The following VPS11 variants were observed in gnomAD, a reference collection of about 807,000 sequenced individuals.
VPS11 encodes vacuolar protein sorting-associated protein 11 homolog.
Under a neutral mutation model 106.8 loss-of-function variants are expected in VPS11, and 51 were observed. That is an observed-to-expected ratio of 0.48 (90% CI 0.38 to 0.60). The LOEUF (loss-of-function observed/expected upper bound fraction) is 0.60. Among genes scored for constraint, VPS11 ranks in the 20% least tolerant of loss-of-function variants. The pLI is 0.00. For synonymous variants in VPS11, 453 were observed against 458.7 expected, an observed-to-expected ratio of 0.99 and a Z score of 0.16; for missense variants, 950 against 1,190.0, an observed-to-expected ratio of 0.80 and a Z score of 2.97.
intron 1 of VPS11, 84 bp downstream of exon 1, chr11:119,068,094 C>T (rs1452475648): frequency 1.4e-6 from 2 of 1,421,186 alleles, no homozygotes; most frequent in Non-Finnish European, 1.9e-6. Context: ...CGGAGGGGTC[C>T]GTGCCGCGCG....
At chr11:119,077,452 T>A in intron 8 of VPS11, 49 bp from the exon 9 acceptor site, 1 of 1,586,828 alleles carries the variant, frequency 6.3e-7, no homozygotes, top group Non-Finnish European at 8.6e-7. Flanking sequence ...TCCTCTCCCT[T>A]CTCTATCTCC....
intron 14 of VPS11, 40 bp from the exon 15 acceptor site, chr11:119,081,052 C>T (rs1251078384): frequency 6.3e-7 from 1 of 1,587,128 alleles, no homozygotes; most frequent in Non-Finnish European, 8.6e-7. Context: ...TGGCCTTGCC[C>T]TCACTTTTGC....
At chr11:119,075,587 C>A (rs1945579061) in intron 7 of VPS11, among the ~76,000 whole-genome samples, 1 of 150,534 alleles carries the variant, frequency 6.6e-6, no homozygotes, top group Admixed American at 6.6e-5. Flanking sequence ...CGTGGTGGCT[C>A]ACGCCTGTAA....
intron 3 of VPS11, 27 bp from the exon 4 acceptor site, chr11:119,070,207 T>C: frequency 1.9e-6 from 3 of 1,590,216 alleles, no homozygotes; most frequent in African/African-American, 1.3e-5. Flanking sequence ...TCAGCCTTAC[T>C]GAAGTAATTT....
rs1383449125 is a variant in VPS11, at chr11:119,080,994, G to GA, written c.2439-97dup. ...CAGGGCCTTCAGGGGCCTTACCAGG[G>GA]ACCTTGCCCTGTGCACTTCAGCTGC... On this transcript the variant is annotated intron_variant, in intron 14 of 15. Coordinates refer to ENST00000621676, the MANE Select transcript of VPS11 (RefSeq NM_021729.6). 1.6e-4 allele frequency: 176 copies of GA among 1,081,698 alleles called. No homozygotes were observed. The East Asian group carries it at 4.1e-3, about 25-fold the overall frequency. 67.0% of individuals were successfully genotyped at this position (1,081,698 alleles called of 1,614,324 possible).
chr11:119,077,187 T>C (rs1945655812), intron 8 of VPS11, 104 bp downstream of exon 8: 1 of 1,390,140 alleles, frequency 7.2e-7, no homozygotes, highest in East Asian at 2.5e-5. Context: ...AGGAAAGGGC[T>C]GACCTTATTT....
rs1351505954 is a variant in VPS11, at chr11:119,081,268, G to A, written c.2615G>A (p.Arg872Gln). 17 of 1,613,738 alleles carry A rather than the reference G, an allele frequency of 1.1e-5. No individual in the cohort carries two copies. The highest frequency in any genetic ancestry group is 8.3e-5 in the Admixed American group (5 of 59,974). ...AACCGGAAGGTCATGGATATGATCC[G>A]GGCCCAGGAACAGAAACGAGATCTC... is the stretch of plus-strand genomic sequence containing the variant. ...PENRKVMDMI[R>Q]AQEQKRDLHD... The change falls in exon 15 of 16, where the codon CGG (arginine) becomes CAG (glutamine). Residue 872 changes from arginine to glutamine, a missense_variant. Physicochemically the swap from Arg to Gln is conservative, Grantham distance 43 (BLOSUM62 1). Transcript: ENST00000621676.
chr11:119,074,857 A>T (rs1438657594), intron 7 of VPS11, among the ~76,000 whole-genome samples: 1 of 152,172 alleles, frequency 6.6e-6, no homozygotes, highest in South Asian at 2.1e-4. Context: ...GCCTTTGTAA[A>T]TATTCACTTT....
At chr11:119,081,069 C>T in intron 14 of VPS11, 23 bp from the exon 15 acceptor site, 1 of 1,609,032 alleles carries the variant, frequency 6.2e-7, no homozygotes, top group South Asian at 1.1e-5. Context: ...TTGCCACTCA[C>T]TTCTGGTCTT....
chr11:119,077,378 A>T, intron 8 of VPS11, 123 bp from the exon 9 acceptor site: 1 of 1,352,710 alleles, frequency 7.4e-7, no homozygotes, highest in Non-Finnish European at 1.0e-6. Flanking sequence ...GCTGAGTAGC[A>T]TAATATTTTC....
Position 119,073,344 on chromosome 11 carries a change from C to T in VPS11, c.1031C>T (p.Thr344Met), listed in dbSNP as rs1252109173. 1.3e-5 allele frequency: 21 copies of T among 1,613,908 alleles called. No individual in the cohort carries two copies. The highest frequency in any genetic ancestry group is 2.7e-5 in the African/African-American group (2 of 75,046). ...LAEWGSLYVL[T>M]RDGRVHALQE... Reference sequence around the variant, plus strand: ...GAGTGGGGCTCCCTGTACGTGCTGACGCGGGATGGGCGGGTCCACGCACTG... The same window carrying T: ...GAGTGGGGCTCCCTGTACGTGCTGATGCGGGATGGGCGGGTCCACGCACTG... The change falls in exon 6 of 16, where the codon ACG (threonine) becomes ATG (methionine). Residue 344 changes from threonine (T) to methionine (M), a missense_variant. Thr to Met is a moderately conservative substitution (Grantham distance 81). Coordinates refer to ENST00000621676, the MANE Select transcript of VPS11 (RefSeq NM_021729.6).
chr11:119,070,028 A>AAATAAATAAATAAATAAATT lies in VPS11; in HGVS notation c.473-204_473-203insTAAATAAATAAATAAATTAA, dbSNP rs375064434. Among the ~76,000 whole-genome samples the AAATAAATAAATAAATAAATT allele has an allele frequency of 1.1e-4, 3 of 28,098 alleles. No individual in the cohort carries two copies. The East Asian group carries it at 8.8e-3, about 82-fold the overall frequency. 18.4% of individuals were successfully genotyped at this position (28,098 alleles called of 152,430 possible). A position where few individuals can be genotyped will look rare whatever the true frequency, so the allele number is the denominator to read the frequency against. Reference sequence around the variant, plus strand: ...TAAATAAATAAATAAATAAATAAATAAAATAAATAAAGTTTGGAATGGGAA... The same window carrying AAATAAATAAATAAATAAATT: ...TAAATAAATAAATAAATAAATAAATAAATAAATAAATAAATAAATTAAATAAATAAAGTTTGGAATGGGAA... On this transcript the variant is annotated intron_variant, in intron 3 of 15. Transcript: ENST00000621676.
intron 1 of VPS11, 91 bp downstream of exon 1, chr11:119,068,101 C>T: frequency 1.4e-6 from 2 of 1,402,972 alleles, no homozygotes; most frequent in East Asian, 2.5e-5. Context: ...GTCCGTGCCG[C>T]GCGCCTCTTT....
chr11:119,073,686 A>T, intron 6 of VPS11, 114 bp from the exon 7 acceptor site: 3 of 1,217,424 alleles, frequency 2.5e-6, no homozygotes. Context: ...TTTGTCTAGG[A>T]TCTAGGCAGA....
rs2133640391 is a variant in VPS11, at chr11:119,068,028, C to T, written c.187+18C>T. On this transcript the variant is annotated intron_variant, in intron 1 of 15. Transcript: ENST00000621676. ...CTTTGGAGATATCCTTCGTTTGGAGCTGTCTTTTCCCTCCCGGGATCCCGA... is the reference window on the plus strand; with the variant it reads ...CTTTGGAGATATCCTTCGTTTGGAGTTGTCTTTTCCCTCCCGGGATCCCGA... The T allele has an allele frequency of 1.3e-6, 2 of 1,584,930 alleles. No homozygotes were observed. The highest frequency in any genetic ancestry group is 2.3e-5 in the East Asian group (1 of 44,028).
intron 6 of VPS11, 27 bp downstream of exon 6, chr11:119,073,426 G>C (rs1945476121): frequency 6.2e-7 from 1 of 1,607,344 alleles, no homozygotes; most frequent in Admixed American, 1.7e-5. Context: ...CGCAGAGCTG[G>C]CCACAGGCAC....
intron 5 of VPS11, 102 bp downstream of exon 5, chr11:119,071,945 C>G (rs1945409602): frequency 1.4e-6 from 2 of 1,431,258 alleles, no homozygotes; most frequent in African/African-American, 2.9e-5. Flanking sequence ...ATCTCCTACT[C>G]CTACTCCGGT....
chr11:119,074,093 G>GTT, intron 7 of VPS11, 142 bp downstream of exon 7: 6 of 1,093,796 alleles, frequency 5.5e-6, no homozygotes, highest in Non-Finnish European at 7.5e-6. Flanking sequence ...GTTTTTGTTA[G>GTT]TTTTTTTTTG....
rs782334357 is a variant in VPS11 at position 119,078,021 on chromosome 11, G to C, written c.1716G>C (p.Arg572=). The C allele has an allele frequency of 6.2e-7, 1 of 1,612,988 alleles. No homozygotes were observed. Among genetic ancestry groups the C allele is most frequent in the South Asian group, 1.1e-5 (1 of 91,086 alleles). ...TGAAGGGACTTTGTACTGATTATCG[G>C]CCCAGCCTCGAAGGCCGCAGCGATA... ...QLLKGLCTDY[R]PSLEGRSDRE... is the part of the protein sequence containing the mutation. Residue 572 remains arginine, a synonymous_variant, in exon 10 of 16, where the codon CGG becomes CGC. Transcript: ENST00000621676.
Sources: gnomAD v4.1 joint callset for allele counts (sites outside exome capture counted in the v4.1 genomes callset) on GRCh38, gnomAD v4.1.1 for gene constraint, MANE v1.5 for transcripts, NCBI Gene and HGNC (gene_info 2026-07-23, HGNC 2026-07-21) for gene names.